LAMA3: variants seen among roughly 807,000 people sequenced by gnomAD.
The protein encoded by LAMA3 is laminin subunit alpha 3, also known as laminin subunit alpha-3.
A neutral mutation model predicts 402.0 loss-of-function variants in LAMA3; 281 were observed. The ratio of observed to expected loss-of-function variants is 0.70; its 90% confidence interval spans 0.63 to 0.77. The LOEUF (loss-of-function observed/expected upper bound fraction) is 0.77, where lower values mean the gene tolerates loss of function less well. Ranked by LOEUF, LAMA3 falls within the 30% of genes least tolerant of loss-of-function variation. LAMA3 has a pLI of 0.00. For synonymous variants in LAMA3, 1,431 were observed against 1,558.4 expected, an observed-to-expected ratio of 0.92 and a Z score of 1.93; for missense variants, 3,840 against 4,215.5, an observed-to-expected ratio of 0.91 and a Z score of 2.47.
chr18:23,719,299 G>C (rs2061167807), intron 2 of LAMA3, among the ~76,000 whole-genome samples: 1 of 152,124 alleles, frequency 6.6e-6, no homozygotes, highest in African/African-American at 2.4e-5. Flanking sequence ...GTTAAATCCA[G>C]CCTGGGCAAC....
chr18:23,951,743 GTC>G lies in LAMA3; in HGVS notation c.9706_9707del (p.Leu3236ValfsTer2). On this transcript the variant is annotated frameshift_variant, in exon 73 of 75. Transcript: ENST00000313654. LOFTEE classifies it high-confidence loss of function. The part of the protein sequence containing the change: ...GTSTSVTPKQ[S>X]LCDGQWHSVA... The stretch of plus-strand genomic sequence containing the variant: ...CCTCAACGTCGGTCACACCAAAGCA[GTC>G]TCTGTGTGATGGACAGTGGCACTCG... The G allele has an allele frequency of 6.2e-7, 1 of 1,614,020 alleles. No homozygotes were observed. The highest frequency in any genetic ancestry group is 1.1e-5 in the South Asian group (1 of 91,054).
chr18:23,772,481 G>A (rs2062222496), intron 8 of LAMA3, among the ~76,000 whole-genome samples: 3 of 152,226 alleles, frequency 2.0e-5, no homozygotes, highest in Admixed American at 2.0e-4. Context: ...GACATCGGAT[G>A]GGAAGGTGGG....
chr18:23,911,820 A>G (rs890004923), intron 55 of LAMA3, among the ~76,000 whole-genome samples: 1 of 146,896 alleles, frequency 6.8e-6, no homozygotes, highest in Non-Finnish European at 1.5e-5. Context: ...ATAATCATAT[A>G]TTTTATGCAT....
At chr18:23,930,258 C>T (rs1352672087) in intron 64 of LAMA3, among the ~76,000 whole-genome samples, 1 of 152,136 alleles carries the variant, frequency 6.6e-6, no homozygotes, top group Non-Finnish European at 1.5e-5. Context: ...CCCAAATTTA[C>T]ATCTTCAGAG....
Position 23,834,005 on chromosome 18 carries a change from A to G in LAMA3, c.2984+17A>G, listed in dbSNP as rs1174755780. 1.9e-6 allele frequency: 3 copies of G among 1,613,948 alleles called. No homozygotes were observed. The highest frequency in any genetic ancestry group is 1.3e-5 in the African/African-American group (1 of 74,932). On this transcript the variant is annotated intron_variant, in intron 24 of 74. Transcript: ENST00000313654. ...CAACTACAGGTACTCAGCCCCACCA[A>G]GGGAATTCCTCTGTAAAGGAACAAT...
chr18:23,829,575 T>A (rs2063454176), intron 23 of LAMA3, among the ~76,000 whole-genome samples: 1 of 152,222 alleles, frequency 6.6e-6, no homozygotes, highest in African/African-American at 2.4e-5. Context: ...TTCTTGGTCA[T>A]GAGGCCACAT....
At chr18:23,692,327 A>G (rs1423290913) in intron 1 of LAMA3, among the ~76,000 whole-genome samples, 4 of 152,252 alleles carry the variant, frequency 2.6e-5, no homozygotes, top group African/African-American at 9.6e-5. Flanking sequence ...GTTGGAGTGC[A>G]GTGGCACGGT....
At chr18:23,758,554 C>T (rs749493950) in intron 7 of LAMA3, 43 bp downstream of exon 7, 4 of 1,441,490 alleles carry the variant, frequency 2.8e-6, no homozygotes, top group Non-Finnish European at 3.9e-6. Flanking sequence ...GGCCTTCTCC[C>T]CCCTCTCCCT....
chr18:23,873,025 G>C (rs1282139958), intron 38 of LAMA3: 1 of 1,614,138 alleles, frequency 6.2e-7, no homozygotes, highest in Admixed American at 1.7e-5. Context: ...TGCGCAGCCA[G>C]CGGACGTCCA....
At chr18:23,709,745 T>C in intron 1 of LAMA3, 1 of 520,088 alleles carries the variant, frequency 1.9e-6, no homozygotes, top group Non-Finnish European at 3.6e-6. Context: ...TTCTTTTCTC[T>C]TCTGCTCCAC....
At chr18:23,932,043 A>G in intron 65 of LAMA3, 117 bp from the exon 66 acceptor site, 1 of 1,227,728 alleles carries the variant, frequency 8.1e-7, no homozygotes. Flanking sequence ...GTCTAGTTTC[A>G]CTAGTTATTT....
At chr18:23,872,932 G>T (rs896361007) in intron 38 of LAMA3, 3 of 1,389,934 alleles carry the variant, frequency 2.2e-6, no homozygotes, top group African/African-American at 1.4e-5. Flanking sequence ...GGCCCCTGCC[G>T]CAGACAGCCT....
At chr18:23,912,978 C>T (rs2081486064) in intron 56 of LAMA3, 97 bp downstream of exon 56, 2 of 1,110,228 alleles carry the variant, frequency 1.8e-6, no homozygotes, top group Admixed American at 1.7e-5. Flanking sequence ...CTGCCATTAG[C>T]ACAGCAGGCA....
intron 48 of LAMA3, among the ~76,000 whole-genome samples, chr18:23,902,128 G>A (rs551588092): frequency 1.4e-4 from 22 of 152,292 alleles, no homozygotes; most frequent in Admixed American, 1.3e-3. Flanking sequence ...TTTGAGACCA[G>A]CCTCGGCAAT....
At chr18:23,695,920 C>T (rs955556274) in intron 1 of LAMA3, among the ~76,000 whole-genome samples, 6 of 147,696 alleles carry the variant, frequency 4.1e-5, no homozygotes, top group South Asian at 2.2e-4. Context: ...TGGGGTGGCC[C>T]GAGTTTGGGG....
intron 2 of LAMA3, among the ~76,000 whole-genome samples, chr18:23,721,275 A>G (rs560522953): frequency 3.5e-4 from 54 of 152,330 alleles, no homozygotes; most frequent in Admixed American, 7.2e-4. Flanking sequence ...CAATGAAGGT[A>G]TATTTCTCAT....
At chr18:23,831,240 A>G (rs2063485321) in intron 23 of LAMA3, among the ~76,000 whole-genome samples, 1 of 152,180 alleles carries the variant, frequency 6.6e-6, no homozygotes, top group African/African-American at 2.4e-5. Flanking sequence ...GGAATATTTG[A>G]TCAACACTTA....
intron 73 of LAMA3, 47 bp downstream of exon 73, chr18:23,951,824 T>G: frequency 1.4e-6 from 2 of 1,442,180 alleles, no homozygotes; most frequent in Non-Finnish European, 1.9e-6. Flanking sequence ...ACAGGCCCCC[T>G]TTCCATTTTG....
chr18:23,719,034 G>T (rs952758423), intron 2 of LAMA3, among the ~76,000 whole-genome samples: 1 of 152,178 alleles, frequency 6.6e-6, no homozygotes, highest in African/African-American at 2.4e-5. Flanking sequence ...CCGTGGTTGG[G>T]TTGCTCTGGT....
Sources: allele counts gnomAD v4.1 joint callset (sites outside exome capture counted in the v4.1 genomes callset), GRCh38; gene constraint gnomAD v4.1.1; transcripts MANE v1.5; gene names NCBI Gene and HGNC (gene_info 2026-07-23, HGNC 2026-07-21).